RNF152: variants seen among roughly 807,000 people sequenced by gnomAD.
The protein encoded by RNF152 is E3 ubiquitin-protein ligase RNF152.
In RNF152, 11 loss-of-function variants were observed where a neutral mutation model predicts 12.7. The observed-to-expected ratio is 0.86, with a 90% CI of 0.54 to 1.43. The LOEUF (loss-of-function observed/expected upper bound fraction) is 1.43, where lower values mean the gene tolerates loss of function less well. Ranked by LOEUF, RNF152 falls within the 40% of genes most tolerant of loss-of-function variation. The pLI is 0.00. For missense variants in RNF152, 255 were observed against 274.8 expected (o/e 0.93, Z 0.51); for synonymous variants, 113 against 120.3 (o/e 0.94, Z 0.40).
upstream of RNF152, chr18:61,893,750 G>C (rs951894423): frequency 1.3e-5 from 2 of 151,896 alleles, no homozygotes; most frequent in Non-Finnish European, 2.9e-5. Flanking sequence ...GGGCGCGCGC[G>C]CACGTGCACA....
chr18:61,816,120 C>T lies in RNF152; in HGVS notation c.344G>A (p.Gly115Glu). The T allele has an allele frequency of 3.7e-6, 6 of 1,614,202 alleles. No individual in the cohort carries two copies. The highest frequency in any genetic ancestry group is 5.1e-6 in the Non-Finnish European group (6 of 1,180,028). ...GGGCAGCAGGCGGCAGCCCATGTCT[C>T]CGGGCAGCAGCGCACGCTCCTTGGA... ...PISKERALLP[G>E]DMGCRLLPGS... The change falls in exon 2 of 2, where the codon GGA becomes GAA. Residue 115 changes from glycine (G) to glutamate (E), a missense_variant. Coordinates refer to ENST00000312828, the MANE Select transcript of RNF152 (RefSeq NM_173557.3).
intron 1 of RNF152, among the ~76,000 whole-genome samples, chr18:61,838,023 C>T (rs561899232): frequency 1.3e-5 from 2 of 152,304 alleles, no homozygotes; most frequent in African/African-American, 4.8e-5. Context: ...AAGAAACACA[C>T]ACATGGTTCC....
intron 1 of RNF152, among the ~76,000 whole-genome samples, chr18:61,886,052 G>A (rs1383812044): frequency 7.3e-6 from 1 of 137,586 alleles, no homozygotes; most frequent in African/African-American, 2.8e-5. Context: ...TGAAAAACAG[G>A]CTTTGAGTAA....
Position 61,816,008 on chromosome 18 carries a change from C to T in RNF152, c.456G>A (p.Glu152=). The T allele has an allele frequency of 1.2e-6, 2 of 1,614,236 alleles. No individual in the cohort carries two copies. The highest frequency in any genetic ancestry group is 8.5e-7 in the Non-Finnish European group (1 of 1,180,044). ...CCACGCCCCGCCTGTCCTGCTCCTC[C>T]TCCACCGCCTCCTGGGGAGCCCCAC... ...LQGGAPQEAV[E]EEQDRRGVVK... Residue 152 remains glutamate (E), a synonymous_variant, in exon 2 of 2, where the codon GAG becomes GAA. Coordinates refer to ENST00000312828, the MANE Select transcript of RNF152 (RefSeq NM_173557.3).
At chr18:61,847,366 C>T (rs944155485) in intron 1 of RNF152, among the ~76,000 whole-genome samples, 1 of 152,208 alleles carries the variant, frequency 6.6e-6, no homozygotes, top group African/African-American at 2.4e-5. Context: ...CCATAAAACA[C>T]AGCTCTGCTC....
chr18:61,814,756 G>A lies in RNF152; in HGVS notation c.*1096C>T, dbSNP rs1258083080. 1 of 152,168 alleles carries A rather than the reference G, an allele frequency of 6.6e-6. No individual in the cohort carries two copies. Among genetic ancestry groups the A allele is most frequent in the Non-Finnish European group, 1.5e-5 (1 of 68,036 alleles). The allele number at this position is 152,168 out of a possible 1,614,324, so 9.4% of individuals were successfully genotyped here. On this transcript the variant is annotated 3_prime_UTR_variant, in exon 2 of 2. Transcript: ENST00000312828. The stretch of plus-strand genomic sequence containing the variant: ...AGGCCATTTATTAAAATGCCCGCCT[G>A]GGTTGACCATCAGTCACAACACTCA...
chr18:61,875,080 T>C (rs1912155776), intron 1 of RNF152: 1 of 152,206 alleles, frequency 6.6e-6, no homozygotes, highest in South Asian at 2.1e-4. Flanking sequence ...GAATCAGGGA[T>C]TCAGAGATGG....
At chr18:61,862,101 G>C (rs1355598588) in intron 1 of RNF152, among the ~76,000 whole-genome samples, 1 of 152,132 alleles carries the variant, frequency 6.6e-6, no homozygotes, top group Non-Finnish European at 1.5e-5. Flanking sequence ...CCTAAGCTGG[G>C]GAAGGACCAT....
At chr18:61,853,306 T>TTC in intron 1 of RNF152, among the ~76,000 whole-genome samples, 1 of 151,208 alleles carries the variant, frequency 6.6e-6, no homozygotes, top group Admixed American at 6.6e-5. Flanking sequence ...CTTTTTTTTT[T>TTC]TTTTTTTTTG....
chr18:61,892,348 G>T (rs1195234359), intron 1 of RNF152, among the ~76,000 whole-genome samples: 1 of 152,144 alleles, frequency 6.6e-6, no homozygotes, highest in Admixed American at 6.5e-5. Context: ...TCATACGAAG[G>T]TCACTGCATT....
rs922106654 is a variant in RNF152, at chr18:61,813,512, T to C, written c.*2340A>G. On this transcript the variant is annotated 3_prime_UTR_variant, in exon 2 of 2. Transcript: ENST00000312828. ...GCACTGCTTAATGGCAACTCTAGCA[T>C]GGGATTGTTTTTAAGTAAAAGTTCT... The C allele has an allele frequency of 6.6e-6, 1 of 152,192 alleles. No individual in the cohort carries two copies. Among genetic ancestry groups the C allele is most frequent in the Non-Finnish European group, 1.5e-5 (1 of 68,038 alleles). The allele number at this position is 152,192 out of a possible 1,614,324, so 9.4% of individuals were successfully genotyped here.
In RNF152 at chr18:61,808,141, A is replaced by G. The variant is rs2144589948; in HGVS notation, c.*7711T>C. 6.6e-6 allele frequency: 1 copy of G among 152,254 alleles called. No homozygotes were observed. Among genetic ancestry groups the G allele is most frequent in the South Asian group, 2.1e-4 (1 of 4,818 alleles). 9.4% of individuals were successfully genotyped at this position (152,254 alleles called of 1,614,324 possible). A position where few individuals can be genotyped will look rare whatever the true frequency, so the allele number is the denominator to read the frequency against. On this transcript the variant is annotated 3_prime_UTR_variant, in exon 2 of 2. Coordinates refer to ENST00000312828, the MANE Select transcript of RNF152 (RefSeq NM_173557.3). ...AGTCATAAAATCAACATTACCACAT[A>G]TACAAAGGACAAGACACCAGTTTGG...
At chr18:61,830,192 T>C (rs1198480107) in intron 1 of RNF152, among the ~76,000 whole-genome samples, 3 of 152,012 alleles carry the variant, frequency 2.0e-5, no homozygotes. Flanking sequence ...CTGGCTAATT[T>C]TTTGTATATT....
rs1051832669 is a variant in RNF152 at position 61,813,606 on chromosome 18, T to C, written c.*2246A>G. On this transcript the variant is annotated 3_prime_UTR_variant, in exon 2 of 2. Transcript: ENST00000312828. ...CACTATCATCACACACATTAGTGTC[T>C]ATATCTAACCTACTTTAACAAGTAG... is the stretch of plus-strand genomic sequence containing the variant. 3 of 152,374 alleles carry C rather than the reference T, an allele frequency of 2.0e-5. No homozygotes were observed. Among genetic ancestry groups the C allele is most frequent in the Admixed American group, 1.3e-4 (2 of 15,306 alleles). 9.4% of individuals were successfully genotyped at this position (152,374 alleles called of 1,614,324 possible). A position where few individuals can be genotyped will look rare whatever the true frequency, so the allele number is the denominator to read the frequency against.
In RNF152 at chr18:61,815,983, C is replaced by T; in HGVS notation, c.481G>A (p.Val161Met). The change falls in exon 2 of 2, where the codon GTG becomes ATG. Residue 161 changes from valine (V) to methionine (M), a missense_variant. By Grantham distance (21) the Val-to-Met change is conservative (BLOSUM62 1). Transcript: ENST00000312828. ...VEEEQDRRGV[V>M]KSSTWSGVCT... The stretch of plus-strand genomic sequence containing the variant: ...ACCCCCGACCAGGTGGAGCTTTTCA[C>T]CACGCCCCGCCTGTCCTGCTCCTCC... 2 of 1,614,228 alleles carry T rather than the reference C, an allele frequency of 1.2e-6. No homozygotes were observed. The highest frequency in any genetic ancestry group is 8.5e-7 in the Non-Finnish European group (1 of 1,180,036).
chr18:61,878,267 T>C (rs1912304195), intron 1 of RNF152, among the ~76,000 whole-genome samples: 1 of 152,156 alleles, frequency 6.6e-6, no homozygotes, highest in Non-Finnish European at 1.5e-5. Flanking sequence ...AACTGATACC[T>C]AGTGGGTAGA....
At chr18:61,877,030 C>T (rs996421191) in intron 1 of RNF152, among the ~76,000 whole-genome samples, 2 of 152,170 alleles carry the variant, frequency 1.3e-5, no homozygotes, top group African/African-American at 2.4e-5. Flanking sequence ...GTTGGGGTGG[C>T]TCTTTGTACA....
chr18:61,865,122 G>A (rs1364716633), intron 1 of RNF152, among the ~76,000 whole-genome samples: 1 of 152,124 alleles, frequency 6.6e-6, no homozygotes, highest in Non-Finnish European at 1.5e-5. Flanking sequence ...AGGAAATGGA[G>A]GATGAAAACC....
intron 1 of RNF152, among the ~76,000 whole-genome samples, chr18:61,823,644 A>C (rs548055505): frequency 1.3e-5 from 2 of 152,360 alleles, no homozygotes; most frequent in East Asian, 3.9e-4. Flanking sequence ...GGAATAGGGC[A>C]GGCGATGCTG....
Sources: allele counts gnomAD v4.1 joint callset (sites outside exome capture counted in the v4.1 genomes callset), GRCh38; gene constraint gnomAD v4.1.1; transcripts MANE v1.5; gene names NCBI Gene and HGNC (gene_info 2026-07-23, HGNC 2026-07-21).